The following RTKN2 variants were observed in gnomAD, a reference collection of about 807,000 sequenced individuals.
RTKN2 encodes the protein rhotekin-2.
In RTKN2, 69 loss-of-function variants were observed where a neutral mutation model predicts 71.5. The observed-to-expected ratio is 0.96, with a 90% CI of 0.79 to 1.18. The LOEUF (loss-of-function observed/expected upper bound fraction) is 1.18. Ranked by LOEUF, RTKN2 falls within the 50% of genes most tolerant of loss-of-function variation. The pLI is 0.00. For synonymous variants in RTKN2, 236 were observed against 236.5 expected, an observed-to-expected ratio of 1.00 and a Z score of 0.02; for missense variants, 724 against 719.7, an observed-to-expected ratio of 1.01 and a Z score of -0.07.
In RTKN2 at chr10:62,218,314, G is replaced by T; in HGVS notation, c.782-13C>A. Reference sequence around the variant, plus strand: ...AATGAAGACTCCTCTATTTAAAGGAGAAAGAAAAAAAAAAATCAAGTTATA... The same window carrying T: ...AATGAAGACTCCTCTATTTAAAGGATAAAGAAAAAAAAAAATCAAGTTATA... On this transcript the variant is annotated splice_polypyrimidine_tract_variant and intron_variant, in intron 7 of 11. Transcript: ENST00000373789. 2.1e-6 allele frequency: 3 copies of T among 1,408,576 alleles called. No homozygotes were observed. Among genetic ancestry groups the T allele is most frequent in the Non-Finnish European group, 2.8e-6 (3 of 1,054,268 alleles). The allele number at this position is 1,408,576 out of a possible 1,614,324, so 87.3% of individuals were successfully genotyped here.
chr10:62,255,327 TCA>T (rs1361887590), intron 2 of RTKN2, among the ~76,000 whole-genome samples: 2 of 152,160 alleles, frequency 1.3e-5, no homozygotes, highest in African/African-American at 4.8e-5. Flanking sequence ...GGTTTGGCAT[TCA>T]AAATATGATT....
At chr10:62,205,136 G>T in intron 9 of RTKN2, 114 bp from the exon 10 acceptor site, 1 of 770,424 alleles carries the variant, frequency 1.3e-6, no homozygotes, top group Non-Finnish European at 2.0e-6. Flanking sequence ...TAATCTTATT[G>T]CTGATCATTT....
intron 1 of RTKN2, among the ~76,000 whole-genome samples, chr10:62,264,701 T>C (rs1842837621): frequency 6.6e-6 from 1 of 152,280 alleles, no homozygotes; most frequent in Admixed American, 6.5e-5. Flanking sequence ...AAACAGGCAG[T>C]TGAACTAGCA....
At chr10:62,249,941 T>A (rs1252510468) in intron 2 of RTKN2, among the ~76,000 whole-genome samples, 1 of 152,164 alleles carries the variant, frequency 6.6e-6, no homozygotes, top group Non-Finnish European at 1.5e-5. Flanking sequence ...GTAGTAGCCA[T>A]CTAAATCAGA....
chr10:62,249,368 AGGGGTTGC>A (rs1842536003), intron 2 of RTKN2, among the ~76,000 whole-genome samples: 1 of 72,438 alleles, frequency 1.4e-5, no homozygotes, highest in African/African-American at 5.4e-5. Flanking sequence ...TGGGTTGAGC[AGGGGTTGC>A]GGGGTTGGGG....
chr10:62,226,892 C>T (rs1545019), intron 6 of RTKN2, among the ~76,000 whole-genome samples: 28,223 of 152,064 alleles, frequency 0.19, 2,920 homozygotes, highest in African/African-American at 0.27. Context: ...ACCCGGGAGG[C>T]GGAGGCTGCA....
intron 7 of RTKN2, among the ~76,000 whole-genome samples, chr10:62,220,825 T>G (rs986329033): frequency 2.0e-5 from 3 of 152,078 alleles, no homozygotes; most frequent in Non-Finnish European, 4.4e-5. Context: ...GGTGACATAC[T>G]GGCAAATGAT....
rs1842455648 is a variant in RTKN2, at chr10:62,245,255, T to C, written c.316+744A>G. Among the ~76,000 whole-genome samples the C allele has an allele frequency of 2.0e-5, 3 of 152,050 alleles. No homozygotes were observed. The South Asian group carries it at 6.2e-4, about 31-fold the overall frequency. On this transcript the variant is annotated intron_variant, in intron 3 of 11. Transcript: ENST00000373789. ...ATTAGGAATTGAGAGAAAGGAAACA[T>C]CCTTTCTAGTTGGAACGGTAACAGA...
intron 6 of RTKN2, among the ~76,000 whole-genome samples, chr10:62,235,697 T>C (rs1842243428): frequency 6.6e-6 from 1 of 151,838 alleles, no homozygotes. Flanking sequence ...TGTATACATG[T>C]ATGTATATAA....
chr10:62,187,277 CAA>C (rs35517716), intron 8 of RTKN2, among the ~76,000 whole-genome samples: 15 of 120,220 alleles, frequency 1.2e-4, no homozygotes, highest in Admixed American at 8.7e-5. Flanking sequence ...TCACAAATCA[CAA>C]AAAAAAAAAA....
intron 8 of RTKN2, among the ~76,000 whole-genome samples, 169 bp downstream of exon 8, chr10:62,218,026 T>G (rs1841814222): frequency 6.6e-6 from 1 of 152,062 alleles, no homozygotes; most frequent in Non-Finnish European, 1.5e-5. Context: ...ACCTTGTCAT[T>G]CTTTTCACCC....
intron 6 of RTKN2, among the ~76,000 whole-genome samples, chr10:62,226,248 T>C (rs754295012): frequency 2.8e-4 from 43 of 152,238 alleles, no homozygotes; most frequent in Non-Finnish European, 5.9e-5. Flanking sequence ...ATATTAATTA[T>C]GCTAGGTGTT....
At chr10:62,230,608 A>G (rs1210320266) in intron 6 of RTKN2, among the ~76,000 whole-genome samples, 1 of 152,212 alleles carries the variant, frequency 6.6e-6, no homozygotes, top group African/African-American at 2.4e-5. Flanking sequence ...TTGACAAGCA[A>G]CATCTTTTTT....
intron 6 of RTKN2, among the ~76,000 whole-genome samples, chr10:62,227,350 G>C (rs1166311639): frequency 6.6e-6 from 1 of 152,112 alleles, no homozygotes; most frequent in African/African-American, 2.4e-5. Flanking sequence ...AGGCCTATCT[G>C]CAAAAGTAAC....
intron 6 of RTKN2, among the ~76,000 whole-genome samples, chr10:62,230,485 T>C (rs1000933865): frequency 1.3e-5 from 2 of 152,162 alleles, no homozygotes; most frequent in Non-Finnish European, 1.5e-5. Flanking sequence ...CCTATTATTT[T>C]TCTAACCAAA....
At chr10:62,224,279 C>T (rs568566434) in intron 6 of RTKN2, among the ~76,000 whole-genome samples, 1 of 151,900 alleles carries the variant, frequency 6.6e-6, no homozygotes, top group Admixed American at 6.6e-5. Context: ...GATGCTTGTA[C>T]AACATGAATG....
chr10:62,211,629 C>A (rs1388654228), intron 9 of RTKN2, among the ~76,000 whole-genome samples: 1 of 152,104 alleles, frequency 6.6e-6, no homozygotes, highest in Non-Finnish European at 1.5e-5. Flanking sequence ...ATCTTAGAGA[C>A]CATTAGAAAT....
At chr10:62,263,201 G>C (rs1161084737) in intron 1 of RTKN2, among the ~76,000 whole-genome samples, 1 of 152,196 alleles carries the variant, frequency 6.6e-6, no homozygotes, top group Non-Finnish European at 1.5e-5. Flanking sequence ...TACTGGATTA[G>C]AGTGGGTCCT....
chr10:62,265,288 C>G (rs893213165), intron 1 of RTKN2, among the ~76,000 whole-genome samples: 2 of 152,164 alleles, frequency 1.3e-5, no homozygotes, highest in African/African-American at 4.8e-5. Context: ...CACAGACACA[C>G]TCATTCATAT....
Sources: allele counts gnomAD v4.1 joint callset (sites outside exome capture counted in the v4.1 genomes callset), GRCh38; gene constraint gnomAD v4.1.1; transcripts MANE v1.5; gene names NCBI Gene and HGNC (gene_info 2026-07-23, HGNC 2026-07-21).